The following OPA1 variants were observed in gnomAD, a reference collection of about 807,000 sequenced individuals.
OPA1 encodes OPA1 mitochondrial dynamin like GTPase, also known as dynamin-like GTPase OPA1, mitochondrial.
A neutral mutation model predicts 152.9 loss-of-function variants in OPA1; 59 were observed. The ratio of observed to expected loss-of-function variants is 0.39; its 90% CI spans 0.31 to 0.48. The LOEUF is 0.48. Ranked by LOEUF, OPA1 falls within the 20% of genes least tolerant of loss-of-function variation. The probability of loss-of-function intolerance (pLI) is 0.96; values close to 1 mark genes in which losing one functional copy is unlikely to be tolerated. For synonymous variants in OPA1, 400 were observed against 389.9 expected, an observed-to-expected ratio of 1.03 and a Z score of -0.31; for missense variants, 1,008 against 1,216.8, an observed-to-expected ratio of 0.83 and a Z score of 2.55.
chr3:193,644,152 C>T (rs1011666087), intron 16 of OPA1, 47 bp downstream of exon 16: 1 of 1,605,138 alleles, frequency 6.2e-7, no homozygotes, highest in Non-Finnish European at 8.5e-7. Context: ...TGTAAAAGCT[C>T]CAGCTGTGAT....
rs779665090 is a variant in OPA1 at position 193,695,003 on chromosome 3, T to C, written c.*403T>C. ...GCTAGGTGTTTTGAAATAAAACTTA[T>C]ATAGCAATTGTTTAAAGTTATCAAT... On this transcript the variant is annotated 3_prime_UTR_variant, in exon 31 of 31. Transcript: ENST00000361510. 4.6e-5 allele frequency: 7 copies of C among 152,370 alleles called. No homozygotes were observed. The highest frequency in any genetic ancestry group is 2.1e-4 in the South Asian group (1 of 4,830). The allele number at this position is 152,370 out of a possible 1,614,324, so 9.4% of individuals were successfully genotyped here. A position where few individuals can be genotyped will look rare whatever the true frequency, so the allele number is the denominator to read the frequency against.
chr3:193,658,515 T>C (rs548412843), intron 23 of OPA1, among the ~76,000 whole-genome samples: 1 of 152,306 alleles, frequency 6.6e-6, no homozygotes, highest in African/African-American at 2.4e-5. Flanking sequence ...GTAGGTCACA[T>C]GGCAAAAAGC....
intron 1 of OPA1, among the ~76,000 whole-genome samples, chr3:193,600,838 T>G (rs1344474829): frequency 4.6e-5 from 7 of 152,232 alleles, no homozygotes; most frequent in Non-Finnish European, 1.0e-4. Flanking sequence ...GTTGCTCCTA[T>G]AAACATATCG....
At chr3:193,691,546 A>G (rs1289538050) in intron 29 of OPA1, 1 of 152,324 alleles carries the variant, frequency 6.6e-6, no homozygotes, top group Non-Finnish European at 1.5e-5. Context: ...ATTTTATGAC[A>G]TATAAATAAA....
At chr3:193,611,084 T>G (rs1728163584) in intron 1 of OPA1, among the ~76,000 whole-genome samples, 1 of 152,206 alleles carries the variant, frequency 6.6e-6, no homozygotes, top group Admixed American at 6.5e-5. Flanking sequence ...ATGAACCCAG[T>G]ACCTCAGTTG....
At chr3:193,664,298 CACTT>C (rs1160295834) in intron 26 of OPA1, among the ~76,000 whole-genome samples, 5 of 152,018 alleles carry the variant, frequency 3.3e-5, no homozygotes, top group South Asian at 4.1e-4. Context: ...TTTCTGACCT[CACTT>C]ACCTCATCTG....
chr3:193,655,464 G>T (rs1392812906), intron 22 of OPA1, among the ~76,000 whole-genome samples: 2 of 152,114 alleles, frequency 1.3e-5, no homozygotes, highest in African/African-American at 2.4e-5. Context: ...CCTGACAGAA[G>T]ATTAAACTAG....
At chr3:193,669,997 G>C (rs142960695) in intron 29 of OPA1, among the ~76,000 whole-genome samples, 1 of 152,286 alleles carries the variant, frequency 6.6e-6, no homozygotes, top group African/African-American at 2.4e-5. Context: ...GGTTTTGCCA[G>C]TAACTCAGCT....
rs113873568 is a variant in OPA1 at position 193,660,166 on chromosome 3, G to C, written c.2520+605G>C. On this transcript the variant is annotated intron_variant, in intron 25 of 30. Transcript: ENST00000361510. ...ACAATGAATATGATTGGCGGGAAAAGATACAATTTTTCTTGCCTTATTTTA... is the reference window on the plus strand; with the variant it reads ...ACAATGAATATGATTGGCGGGAAAACATACAATTTTTCTTGCCTTATTTTA... Among the ~76,000 whole-genome samples the C allele has an allele frequency of 3.3e-5, 5 of 152,132 alleles. 1 individual carries two copies. The highest frequency in any genetic ancestry group is 9.6e-5 in the African/African-American group (4 of 41,524).
chr3:193,613,569 TTTTGTTTG>T (rs569037448), intron 1 of OPA1, among the ~76,000 whole-genome samples: 1 of 152,052 alleles, frequency 6.6e-6, no homozygotes, highest in East Asian at 1.9e-4. Context: ...TTTGTTTTTT[TTTTGTTTG>T]TTTGTTTGTT....
rs1733953966 is a variant in OPA1, at chr3:193,642,601, G to C, written c.1150-164G>C. ...AATACAAATACAAAATTATTGTCTT[G>C]TCAGAACTACCATGTTGACAGCTTC... On this transcript the variant is annotated intron_variant, in intron 11 of 30. Transcript: ENST00000361510. 6.6e-6 allele frequency among the ~76,000 whole-genome samples: 1 copy of C among 152,198 alleles called. No homozygotes were observed. The highest frequency in any genetic ancestry group is 2.4e-5 in the African/African-American group (1 of 41,458).
At position 193,642,825 on chromosome 3, in the gene OPA1, G is replaced by T; in HGVS notation, c.1210G>T (p.Asp404Tyr). The T allele has an allele frequency of 1.2e-6, 2 of 1,613,356 alleles. No homozygotes were observed. The highest frequency in any genetic ancestry group is 1.3e-5 in the African/African-American group (1 of 75,032). ...ATTTAAAGATAGTTCTCGGGAGTTTGATCTTACCAAAGAAGAAGATGTAAG... is the reference window on the plus strand; with the variant it reads ...ATTTAAAGATAGTTCTCGGGAGTTTTATCTTACCAAAGAAGAAGATGTAAG... ...ALFKDSSREF[D>Y]LTKEEDLAAL... is the part of the protein sequence containing the mutation. The change falls in exon 12 of 31, where the codon GAT becomes TAT. Residue 404 changes from aspartate to tyrosine, a missense_variant. By Grantham distance (160) the Asp-to-Tyr change is radical (BLOSUM62 -3). Transcript: ENST00000361510.
chr3:193,665,548 A>G (rs1334094320), intron 27 of OPA1, among the ~76,000 whole-genome samples: 4 of 152,144 alleles, frequency 2.6e-5, no homozygotes, highest in Non-Finnish European at 4.4e-5. Context: ...AAAATGATTC[A>G]TAATTTAAAG....
At chr3:193,617,485 C>T (rs1434814980) in intron 4 of OPA1, among the ~76,000 whole-genome samples, 200 bp downstream of exon 4, 1 of 152,106 alleles carries the variant, frequency 6.6e-6, no homozygotes, top group Non-Finnish European at 1.5e-5. Context: ...AATGACAGTT[C>T]CTAAGCACTT....
Position 193,614,674 on chromosome 3 carries a change from T to G in OPA1, c.33-49T>G, listed in dbSNP as rs779651245. On this transcript the variant is annotated intron_variant, in intron 1 of 30. Transcript: ENST00000361510. ...ATTGCTCTTTTAATGTCATTTCCTT[T>G]GTACTGTTACCCTCTCTGATCTTTC... is the stretch of plus-strand genomic sequence containing the variant. The G allele has an allele frequency of 9.4e-6, 13 of 1,387,074 alleles. 1 individual carries two copies. In the Middle Eastern group the frequency reaches 5.3e-4, roughly 57 times the overall value. The allele number at this position is 1,387,074 out of a possible 1,614,324, so 85.9% of individuals were successfully genotyped here. A position where few individuals can be genotyped will look rare whatever the true frequency, so the allele number is the denominator to read the frequency against.
chr3:193,609,833 C>A (rs1727911862), intron 1 of OPA1, among the ~76,000 whole-genome samples: 1 of 152,212 alleles, frequency 6.6e-6, no homozygotes, highest in Non-Finnish European at 1.5e-5. Flanking sequence ...ATCGAATCGG[C>A]TACTGAGGCT....
intron 25 of OPA1, 59 bp downstream of exon 25, chr3:193,659,620 G>A: frequency 7.3e-7 from 1 of 1,374,806 alleles, no homozygotes; most frequent in Non-Finnish European, 1.0e-6. Context: ...TTTAATTCAG[G>A]CATTAAAATA....
intron 29 of OPA1, among the ~76,000 whole-genome samples, chr3:193,691,029 CAA>C (rs10571531): frequency 0.035 from 5,337 of 152,086 alleles, 329 homozygotes; most frequent in African/African-American, 0.12. Context: ...GCCTGGGCAA[CAA>C]AGTGAGATCC....
intron 29 of OPA1, among the ~76,000 whole-genome samples, chr3:193,676,918 T>C (rs1253794781): frequency 1.4e-5 from 2 of 145,682 alleles, no homozygotes; most frequent in East Asian, 4.0e-4. Context: ...GAGGCGGAGC[T>C]TGCGGTGAGC....
Sources: gnomAD v4.1 joint callset for allele counts (sites outside exome capture counted in the v4.1 genomes callset) on GRCh38, gnomAD v4.1.1 for gene constraint, MANE v1.5 for transcripts, NCBI Gene and HGNC (gene_info 2026-07-23, HGNC 2026-07-21) for gene names.